Variants in SPIDR observed in about 807,000 individuals in gnomAD.
SPIDR encodes DNA repair-scaffolding protein.
SPIDR carries 93 observed loss-of-function variants against 104.6 expected under a neutral mutation model. The observed-to-expected ratio is 0.89, with a 90% CI of 0.75 to 1.06. The LOEUF is 1.06. Ranked by LOEUF, SPIDR falls within the 50% of genes least tolerant of loss-of-function variation. The probability of loss-of-function intolerance (pLI) is 0.00; values close to 1 mark genes in which losing one functional copy is unlikely to be tolerated. For synonymous variants in SPIDR, 431 were observed against 416.9 expected (o/e 1.03, Z -0.41); for missense variants, 1,154 against 1,111.2 (o/e 1.04, Z -0.55).
chr8:47,591,953 C>G (rs1034904991), intron 8 of SPIDR, among the ~76,000 whole-genome samples: 1 of 152,172 alleles, frequency 6.6e-6, no homozygotes, highest in Non-Finnish European at 1.5e-5. Flanking sequence ...CTAGCTTCTG[C>G]TCATGCTTTA....
At chr8:47,677,156 C>T (rs1186816956) in intron 11 of SPIDR, among the ~76,000 whole-genome samples, 1 of 152,172 alleles carries the variant, frequency 6.6e-6, no homozygotes, top group Non-Finnish European at 1.5e-5. Flanking sequence ...TACTAAGGGC[C>T]ACCCCCCAAC....
intron 3 of SPIDR, among the ~76,000 whole-genome samples, chr8:47,287,545 C>T (rs1471964145): frequency 4.6e-5 from 7 of 152,188 alleles, no homozygotes; most frequent in African/African-American, 1.7e-4. Context: ...GTTTATAGAC[C>T]TCCCCCCAGG....
At chr8:47,524,722 T>C (rs1226525994) in intron 8 of SPIDR, among the ~76,000 whole-genome samples, 4 of 152,198 alleles carry the variant, frequency 2.6e-5, no homozygotes, top group Non-Finnish European at 5.9e-5. Context: ...AGAAAGGAGT[T>C]GCTACTGCAT....
intron 10 of SPIDR, among the ~76,000 whole-genome samples, chr8:47,651,722 G>T (rs869233278): frequency 6.6e-6 from 1 of 152,120 alleles, no homozygotes; most frequent in African/African-American, 2.4e-5. Flanking sequence ...ATCACACAAT[G>T]AGTAGATAAA....
intron 3 of SPIDR, among the ~76,000 whole-genome samples, chr8:47,287,738 C>T (rs941596232): frequency 1.3e-5 from 2 of 152,160 alleles, no homozygotes; most frequent in Non-Finnish European, 2.9e-5. Context: ...CCCTGAAAAT[C>T]GCTGTTATTC....
intron 8 of SPIDR, among the ~76,000 whole-genome samples, chr8:47,489,703 C>A (rs1354404924): frequency 6.6e-6 from 1 of 152,200 alleles, no homozygotes; most frequent in Admixed American, 6.5e-5. Context: ...TACCACACAT[C>A]TACAACCATC....
In SPIDR at chr8:47,330,450, G is replaced by A. The variant is rs1334737912; in HGVS notation, c.525+36420G>A. On this transcript the variant is annotated intron_variant, in intron 5 of 19. Coordinates refer to ENST00000297423, the MANE Select transcript of SPIDR (RefSeq NM_001080394.4). ...TTTGAACAAATGTATAAAAATATAT[G>A]TCTACCATTATGTCATACAGAGCAG... Among the ~76,000 whole-genome samples, 4 of 152,132 alleles carry A rather than the reference G, an allele frequency of 2.6e-5. No homozygotes were observed. In the East Asian group the frequency reaches 7.7e-4, roughly 29 times the overall value.
At chr8:47,285,147 G>C (rs1172852317) in intron 3 of SPIDR, among the ~76,000 whole-genome samples, 2 of 152,220 alleles carry the variant, frequency 1.3e-5, no homozygotes, top group African/African-American at 4.8e-5. Flanking sequence ...GTAGGTACTT[G>C]ATTGATGACA....
intron 10 of SPIDR, among the ~76,000 whole-genome samples, chr8:47,627,011 G>A (rs974310379): frequency 1.3e-5 from 2 of 152,182 alleles, no homozygotes; most frequent in Non-Finnish European, 2.9e-5. Flanking sequence ...GCGATAGACT[G>A]GATTAAGCAA....
intron 8 of SPIDR, among the ~76,000 whole-genome samples, chr8:47,552,852 G>T (rs542409679): frequency 6.6e-6 from 1 of 152,146 alleles, no homozygotes; most frequent in Non-Finnish European, 1.5e-5. Context: ...TTTCTTCCTA[G>T]CATTGATGGT....
intron 10 of SPIDR, among the ~76,000 whole-genome samples, chr8:47,667,522 T>C (rs915242735): frequency 6.8e-6 from 1 of 147,832 alleles, no homozygotes; most frequent in Non-Finnish European, 1.5e-5. Context: ...TGAAGTAGGA[T>C]AGCTTGAGAG....
At chr8:47,456,606 T>C (rs782577142) in intron 8 of SPIDR, among the ~76,000 whole-genome samples, 1 of 152,176 alleles carries the variant, frequency 6.6e-6, no homozygotes, top group Non-Finnish European at 1.5e-5. Context: ...TATTTTCTCT[T>C]TTTTAAATTA....
At chr8:47,483,900 C>A (rs557646528) in intron 8 of SPIDR, among the ~76,000 whole-genome samples, 1 of 151,914 alleles carries the variant, frequency 6.6e-6, no homozygotes, top group East Asian at 1.9e-4. Context: ...GGGTGGAGTT[C>A]CAGTTTTACT....
intron 5 of SPIDR, among the ~76,000 whole-genome samples, chr8:47,354,010 T>C (rs2054046187): frequency 6.6e-6 from 1 of 152,204 alleles, no homozygotes; most frequent in Non-Finnish European, 1.5e-5. Context: ...GCTTTGATAC[T>C]AGTATCACAT....
At chr8:47,286,610 C>G (rs2038896065) in intron 3 of SPIDR, among the ~76,000 whole-genome samples, 1 of 151,938 alleles carries the variant, frequency 6.6e-6, no homozygotes, top group African/African-American at 2.4e-5. Flanking sequence ...TGTACATACA[C>G]AAAATTTAAA....
At chr8:47,439,967 C>T (rs1554695193) in intron 7 of SPIDR, among the ~76,000 whole-genome samples, 1 of 152,130 alleles carries the variant, frequency 6.6e-6, no homozygotes, top group African/African-American at 2.4e-5. Flanking sequence ...CCACAGTGGC[C>T]ATATTCTCCT....
At chr8:47,691,562 T>TA (rs1396738227) in intron 11 of SPIDR, among the ~76,000 whole-genome samples, 1 of 152,230 alleles carries the variant, frequency 6.6e-6, no homozygotes, top group African/African-American at 2.4e-5. Context: ...TGCAATATCT[T>TA]ATGTCATAGA....
intron 10 of SPIDR, among the ~76,000 whole-genome samples, chr8:47,616,951 T>C (rs1221961979): frequency 6.6e-6 from 1 of 152,246 alleles, no homozygotes. Context: ...CTGTAGACTT[T>C]CTTAAATGCT....
At chr8:47,333,691 A>G (rs1336968015) in intron 5 of SPIDR, among the ~76,000 whole-genome samples, 3 of 152,214 alleles carry the variant, frequency 2.0e-5, no homozygotes, top group Non-Finnish European at 4.4e-5. Context: ...ATACATAATT[A>G]TATGTGCTAT....
Sources: allele counts gnomAD v4.1 joint callset (sites outside exome capture counted in the v4.1 genomes callset), GRCh38; gene constraint gnomAD v4.1.1; transcripts MANE v1.5; gene names NCBI Gene and HGNC (gene_info 2026-07-23, HGNC 2026-07-21).